DIPK1A: variants seen among roughly 807,000 people sequenced by gnomAD.
The protein encoded by DIPK1A is family with sequence similarity 69 member A.
DIPK1A carries 27 observed loss-of-function variants against 40.8 expected under a neutral mutation model. The observed-to-expected ratio is 0.66, with a 90% CI of 0.49 to 0.91. The LOEUF (loss-of-function observed/expected upper bound fraction) is 0.91. Ranked by LOEUF, DIPK1A falls within the 40% of genes least tolerant of loss-of-function variation. The pLI is 0.00. For missense variants in DIPK1A, 412 were observed against 505.7 expected (o/e 0.81, Z 1.78); for synonymous variants, 166 against 171.3 (o/e 0.97, Z 0.24).
At chr1:92,959,338 G>T (rs1308998137) in intron 1 of DIPK1A, among the ~76,000 whole-genome samples, 1 of 152,052 alleles carries the variant, frequency 6.6e-6, no homozygotes, top group African/African-American at 2.4e-5. Flanking sequence ...GGAAGAGGGA[G>T]TGGGGGAGGT....
At chr1:92,946,822 T>C (rs1455819708) in intron 1 of DIPK1A, among the ~76,000 whole-genome samples, 5 of 151,888 alleles carry the variant, frequency 3.3e-5, no homozygotes, top group Non-Finnish European at 7.4e-5. Flanking sequence ...CACTTGTCTA[T>C]GGTCCCAACT....
At chr1:92,838,602 G>A (rs563076914), downstream of DIPK1A, among the ~76,000 whole-genome samples, 26 of 152,244 alleles carry the variant, frequency 1.7e-4, no homozygotes, top group South Asian at 5.2e-3. Context: ...TATCTACAGT[G>A]GCCTCTATCC....
chr1:92,850,950 GT>G lies in DIPK1A; in HGVS notation c.194del (p.Asp65AlafsTer38). On this transcript the variant is annotated frameshift_variant, in exon 3 of 5. Transcript: ENST00000370310. LOFTEE classifies it high-confidence loss of function. Reference protein sequence around the residue: ...RGKDCKKIICDKYKTGVIDGP... With the variant: ...RGKDCKKIICXKYKTGVIDGP... ...CATCAATAACTCCAGTCTTGTACTT[GT>G]CACACTAAAAACCAGGAAATAAAAA... is the stretch of plus-strand genomic sequence containing the variant. 6.4e-7 allele frequency: 1 copy of G among 1,554,062 alleles called. No individual in the cohort carries two copies. Among genetic ancestry groups the G allele is most frequent in the Non-Finnish European group, 8.7e-7 (1 of 1,147,874 alleles).
chr1:92,961,422 C>T lies in DIPK1A; in HGVS notation c.8G>A (p.Arg3Lys), dbSNP rs1379952634. MA[R>K]SLCPGAWLRK... ...TAGCCAGGCCCCCGGACAGAGACTC[C>T]TCGCCATGGTAATCACACATCGCCC... Residue 3 changes from arginine to lysine, a missense_variant, in exon 1 of 5, where the codon AGG becomes AAG. Arg to Lys is a conservative substitution (Grantham distance 26). Coordinates refer to ENST00000370310, the MANE Select transcript of DIPK1A (RefSeq NM_001006605.5). The T allele has an allele frequency of 1.3e-6, 2 of 1,519,764 alleles. No individual in the cohort carries two copies. The highest frequency in any genetic ancestry group is 1.5e-5 in the African/African-American group (1 of 68,938). The allele number at this position is 1,519,764 out of a possible 1,614,324, so 94.1% of individuals were successfully genotyped here.
At chr1:92,832,879 CAT>C (rs1291927406) in exon 5 of DIPK1A, 29 of 630,904 alleles carry the variant, frequency 4.6e-5, no homozygotes, top group Non-Finnish European at 6.6e-5. Flanking sequence ...TTTTGAAAAA[CAT>C]AACATGGGAA....
At chr1:92,940,249 C>A (rs1395486677) in intron 1 of DIPK1A, among the ~76,000 whole-genome samples, 1 of 152,138 alleles carries the variant, frequency 6.6e-6, no homozygotes, top group African/African-American at 2.4e-5. Flanking sequence ...ACACAGACTG[C>A]TAAAAACACA....
chr1:92,841,021 A>G (rs1424232308), downstream of DIPK1A, among the ~76,000 whole-genome samples: 2 of 152,270 alleles, frequency 1.3e-5, no homozygotes, highest in African/African-American at 4.8e-5. Context: ...TGTATTTAAC[A>G]TATTCACCTC....
At chr1:92,955,875 CTT>C (rs1651834053) in intron 1 of DIPK1A, among the ~76,000 whole-genome samples, 1 of 151,806 alleles carries the variant, frequency 6.6e-6, no homozygotes, top group Non-Finnish European at 1.5e-5. Context: ...ACCACTGTCT[CTT>C]AAAAAAATAT....
chr1:92,869,152 C>CTATTATTATTAT (rs10688368), intron 2 of DIPK1A, among the ~76,000 whole-genome samples: 2,894 of 146,270 alleles, frequency 0.02, 116 homozygotes, highest in African/African-American at 0.068. Context: ...AAATATTACA[C>CTATTATTATTAT]TATTATTATT....
rs556392538 is a variant in DIPK1A, at chr1:92,897,631, A to G, written c.55-21201T>C. On this transcript the variant is annotated intron_variant, in intron 1 of 4. Transcript: ENST00000370310. Reference sequence around the variant, plus strand: ...TGTAACAAACCTGCACGTTGTGCACATGTACCCTAAAACTTAAAGTATAAT... The same window carrying G: ...TGTAACAAACCTGCACGTTGTGCACGTGTACCCTAAAACTTAAAGTATAAT... 2.7e-5 allele frequency among the ~76,000 whole-genome samples: 4 copies of G among 149,560 alleles called. No homozygotes were observed. The East Asian group carries it at 8.0e-4, about 30-fold the overall frequency.
chr1:92,835,652 CTG>C (rs935759317), intron 4 of DIPK1A, among the ~76,000 whole-genome samples: 8 of 101,770 alleles, frequency 7.9e-5, no homozygotes, highest in Admixed American at 3.7e-4. Context: ...AAGAGCGAAA[CTG>C]TGTCTCAAAA....
intron 4 of DIPK1A, chr1:92,833,694 T>A: frequency 6.5e-7 from 1 of 1,545,032 alleles, no homozygotes; most frequent in Non-Finnish European, 8.9e-7. Flanking sequence ...CCTTTTTTTA[T>A]TGCTAGAGAA....
chr1:92,840,129 C>G (rs1004449036), downstream of DIPK1A: 1 of 224,574 alleles, frequency 4.5e-6, no homozygotes, highest in Non-Finnish European at 8.8e-6. Context: ...ACGTGTAGTC[C>G]TGTAGCTGGG....
In DIPK1A at chr1:92,843,153, A is replaced by G; in HGVS notation, c.*230T>C. The G allele has an allele frequency of 7.2e-6, 9 of 1,252,672 alleles. No individual in the cohort carries two copies. The highest frequency in any genetic ancestry group is 9.1e-6 in the Non-Finnish European group (9 of 993,400). The allele number at this position is 1,252,672 out of a possible 1,614,324, so 77.6% of individuals were successfully genotyped here. ...GTCAGTCAAAATAGTTACACAATGA[A>G]TGTACTTCGGAGATGTAACAGGGCT... is the stretch of plus-strand genomic sequence containing the variant. On this transcript the variant is annotated 3_prime_UTR_variant, in exon 5 of 5. Coordinates refer to ENST00000370310, the MANE Select transcript of DIPK1A (RefSeq NM_001006605.5).
chr1:92,853,644 TA>T (rs1001780479), intron 2 of DIPK1A, among the ~76,000 whole-genome samples: 3 of 152,232 alleles, frequency 2.0e-5, no homozygotes, highest in African/African-American at 7.2e-5. Flanking sequence ...CCTGTGACTT[TA>T]AAAAGTGCTC....
intron 2 of DIPK1A, among the ~76,000 whole-genome samples, chr1:92,856,902 A>C (rs911630771): frequency 1.5e-4 from 23 of 152,170 alleles, no homozygotes; most frequent in Admixed American, 6.5e-4. Flanking sequence ...TAAGAACGTT[A>C]ATGCCCCTCA....
chr1:92,855,172 T>C (rs1448670752), intron 2 of DIPK1A, among the ~76,000 whole-genome samples: 1 of 152,094 alleles, frequency 6.6e-6, no homozygotes, highest in East Asian at 1.9e-4. Flanking sequence ...CCTAAATAAT[T>C]TGTGGGTTAA....
At chr1:92,861,354 TCTCA>T (rs1347644571) in intron 2 of DIPK1A, among the ~76,000 whole-genome samples, 5 of 98,624 alleles carry the variant, frequency 5.1e-5, no homozygotes, top group African/African-American at 1.2e-4. Context: ...TGAGACAGGG[TCTCA>T]CTCTGTCACC....
At chr1:92,896,839 G>C (rs199820150) in intron 1 of DIPK1A, among the ~76,000 whole-genome samples, 1,750 of 151,360 alleles carry the variant, frequency 0.012, 21 homozygotes, top group African/African-American at 0.034. Context: ...CAAAAAGTGG[G>C]TGAAGGATAT....
Sources: gnomAD v4.1 joint callset for allele counts (sites outside exome capture counted in the v4.1 genomes callset) on GRCh38, gnomAD v4.1.1 for gene constraint, MANE v1.5 for transcripts, NCBI Gene and HGNC (gene_info 2026-07-23, HGNC 2026-07-21) for gene names.